TSBP1: variants seen among roughly 807,000 people sequenced by gnomAD.
TSBP1 encodes testis-expressed basic protein 1.
TSBP1 carries 56 observed loss-of-function variants against 68.8 expected under a neutral mutation model. That is an observed-to-expected ratio of 0.81 (90% CI 0.66 to 1.02). The LOEUF (loss-of-function observed/expected upper bound fraction) is 1.02, where lower values mean the gene tolerates loss of function less well. Among genes scored for constraint, TSBP1 ranks in the 50% least tolerant of loss-of-function variants. The pLI is 0.00. For synonymous variants in TSBP1, 171 were observed against 208.7 expected, an observed-to-expected ratio of 0.82 and a Z score of 1.56; for missense variants, 502 against 641.2, an observed-to-expected ratio of 0.78 and a Z score of 2.34.
At chr6:32,356,057 T>A (rs1180809577) in intron 6 of TSBP1, among the ~76,000 whole-genome samples, 1 of 152,228 alleles carries the variant, frequency 6.6e-6, no homozygotes, top group Non-Finnish European at 1.5e-5. Context: ...TGCGATTGAA[T>A]GTGCATCCTA....
chr6:32,361,204 T>C lies in TSBP1; in HGVS notation c.217+4963A>G, dbSNP rs1490893541. Among the ~76,000 whole-genome samples the C allele has an allele frequency of 2.0e-5, 3 of 152,176 alleles. No individual in the cohort carries two copies. The highest frequency in any genetic ancestry group is 7.2e-5 in the African/African-American group (3 of 41,422). ...TTCATCCATGTCCCTACAAAGGACATGAACTCATCATTTTTTATTGCTGCA... is the reference window on the plus strand; with the variant it reads ...TTCATCCATGTCCCTACAAAGGACACGAACTCATCATTTTTTATTGCTGCA... On this transcript the variant is annotated intron_variant, in intron 6 of 22. Transcript: ENST00000612031. This position sits in a 1 kb window ranked among gnomAD's most constrained non-coding sequence, Gnocchi z 4.3.
In TSBP1 at chr6:32,304,145, GAAGAAAGA is replaced by G. The variant is rs1245105872; in HGVS notation, c.581-1524_581-1517del. Among the ~76,000 whole-genome samples the G allele has an allele frequency of 6.6e-6, 1 of 151,742 alleles. No homozygotes were observed. Among genetic ancestry groups the G allele is most frequent in the Non-Finnish European group, 1.5e-5 (1 of 67,940 alleles). On this transcript the variant is annotated intron_variant, in intron 19 of 22. Coordinates refer to ENST00000612031, the Ensembl canonical transcript of TSBP1. The surrounding 1 kb of genome is among the most constrained non-coding windows in gnomAD (Gnocchi z 4.8). The stretch of plus-strand genomic sequence containing the variant: ...CTTATTTAAAAGACAAAGACAGGAA[GAAGAAAGA>G]AAGAAAGGAAGGAAGAAGAAAGAAC...
exon 23 of TSBP1, chr6:32,293,471 C>G (rs766493361): frequency 3.7e-6 from 6 of 1,611,886 alleles, no homozygotes; most frequent in African/African-American, 2.7e-5. Context: ...AACTGACTCC[C>G]TCTTCTTTAC....
At chr6:32,369,845 C>T in intron 2 of TSBP1, 52 bp downstream of exon 2, 1 of 1,096,072 alleles carries the variant, frequency 9.1e-7, no homozygotes, top group Non-Finnish European at 1.4e-6. Flanking sequence ...CTTGGCATCC[C>T]TCCCTCCGTG....
chr6:32,302,537 C>A lies in TSBP1; in HGVS notation c.601+72G>T. Reference sequence around the variant, plus strand: ...AAAAACAAACATAAAACATTAAAAACATTTGTAGAAAAAATTTGCTCACCC... The same window carrying A: ...AAAAACAAACATAAAACATTAAAAAAATTTGTAGAAAAAATTTGCTCACCC... On this transcript the variant is annotated intron_variant, in intron 20 of 22. Transcript: ENST00000612031. This position sits in a 1 kb window ranked among gnomAD's most constrained non-coding sequence, Gnocchi z 5.1. 1.0e-6 allele frequency: 1 copy of A among 956,136 alleles called. No homozygotes were observed. The highest frequency in any genetic ancestry group is 1.7e-6 in the Non-Finnish European group (1 of 597,142). 59.2% of individuals were successfully genotyped at this position (956,136 alleles called of 1,614,324 possible).
chr6:32,325,519 A>G lies in TSBP1; in HGVS notation c.515-1905T>C. The stretch of plus-strand genomic sequence containing the variant: ...GAAGATTCTCAAATACCAGGTGCCC[A>G]CTTAACTGTGAAAAAGATATATGCT... On this transcript the variant is annotated intron_variant, in intron 16 of 22. Transcript: ENST00000612031. This position sits in a 1 kb window ranked among gnomAD's most constrained non-coding sequence, Gnocchi z 4.4. 1 of 870,858 alleles carries G rather than the reference A, an allele frequency of 1.1e-6. No homozygotes were observed. Among genetic ancestry groups the G allele is most frequent in the East Asian group, 2.4e-5 (1 of 41,546 alleles). The allele number at this position is 870,858 out of a possible 1,614,324, so 53.9% of individuals were successfully genotyped here.
At chr6:32,328,381 G>T (rs1316616842) in intron 16 of TSBP1, among the ~76,000 whole-genome samples, 1 of 151,608 alleles carries the variant, frequency 6.6e-6, no homozygotes, top group Non-Finnish European at 1.5e-5. Context: ...CTGAGTAGCT[G>T]AGATTACAGG....
chr6:32,354,068 A>C (rs1041065684), intron 8 of TSBP1, among the ~76,000 whole-genome samples: 7 of 152,036 alleles, frequency 4.6e-5, no homozygotes, highest in Admixed American at 6.6e-5. Flanking sequence ...GAGATTGACA[A>C]ATTTTATTAC....
Position 32,366,356 on chromosome 6 carries a change from A to G in TSBP1, c.167-54T>C, listed in dbSNP as rs1356630024. On this transcript the variant is annotated intron_variant, in intron 4 of 22. Transcript: ENST00000612031. ...ATTTTACTTCAACAAGTGAGTCTAT[A>G]TTATTTTTTGTTAGATAGAAATCTG... is the stretch of plus-strand genomic sequence containing the variant. 2.0e-6 allele frequency: 3 copies of G among 1,497,276 alleles called. No homozygotes were observed. In the African/African-American group the frequency reaches 4.1e-5, roughly 21 times the overall value. 92.7% of individuals were successfully genotyped at this position (1,497,276 alleles called of 1,614,324 possible).
Position 32,343,858 on chromosome 6 carries a change from A to G in TSBP1, c.350-4220T>C, listed in dbSNP as rs989840735. 2.6e-5 allele frequency among the ~76,000 whole-genome samples: 4 copies of G among 151,988 alleles called. No homozygotes were observed. The highest frequency in any genetic ancestry group is 2.0e-4 in the Admixed American group (3 of 15,280). On this transcript the variant is annotated intron_variant, in intron 9 of 22. Transcript: ENST00000612031. The surrounding 1 kb of genome is among the most constrained non-coding windows in gnomAD (Gnocchi z 4.3). ...CATTTTGTTTCTGTTCTTTTTGTTCAGCTCTAAAATGTTTCTCTTGTAAAA... is the reference window on the plus strand; with the variant it reads ...CATTTTGTTTCTGTTCTTTTTGTTCGGCTCTAAAATGTTTCTCTTGTAAAA...
Position 32,302,462 on chromosome 6 carries a change from A to G in TSBP1, c.601+147T>C. The G allele has an allele frequency of 1.4e-6, 1 of 690,254 alleles. No homozygotes were observed. Among genetic ancestry groups the G allele is most frequent in the Admixed American group, 2.6e-5 (1 of 37,754 alleles). The allele number at this position is 690,254 out of a possible 1,614,324, so 42.8% of individuals were successfully genotyped here. On this transcript the variant is annotated intron_variant, in intron 20 of 22. Coordinates refer to ENST00000612031, the Ensembl canonical transcript of TSBP1. The surrounding 1 kb of genome is among the most constrained non-coding windows in gnomAD (Gnocchi z 5.1). ...GAGCAAGACCCTGTCTCAGAACAAA[A>G]CAAAACCAAAAACACCAAACAAACC...
intron 19 of TSBP1, among the ~76,000 whole-genome samples, chr6:32,311,903 G>C (rs920241452): frequency 6.6e-6 from 1 of 152,188 alleles, no homozygotes; most frequent in African/African-American, 2.4e-5. Context: ...AGTGCAGAGT[G>C]TCCTTGTTCT....
chr6:32,311,328 C>A (rs1018001189), intron 19 of TSBP1, among the ~76,000 whole-genome samples: 1 of 152,132 alleles, frequency 6.6e-6, no homozygotes, highest in Non-Finnish European at 1.5e-5. Flanking sequence ...TATTTAATTG[C>A]CTTTTGATAT....
intron 19 of TSBP1, among the ~76,000 whole-genome samples, chr6:32,308,975 T>G (rs1168647408): frequency 2.2e-5 from 2 of 90,078 alleles, no homozygotes; most frequent in African/African-American, 9.5e-5. Context: ...TTTTTTTTTT[T>G]GACAGGGTCT....
In TSBP1 at chr6:32,338,922, T is replaced by G; in HGVS notation, c.409+57A>C. The G allele has an allele frequency of 7.4e-7, 1 of 1,354,776 alleles. No individual in the cohort carries two copies. Among genetic ancestry groups the G allele is most frequent in the Non-Finnish European group, 1.1e-6 (1 of 944,562 alleles). 83.9% of individuals were successfully genotyped at this position (1,354,776 alleles called of 1,614,324 possible). On this transcript the variant is annotated intron_variant, in intron 11 of 22. Coordinates refer to ENST00000612031, the Ensembl canonical transcript of TSBP1. The surrounding 1 kb of genome is among the most constrained non-coding windows in gnomAD (Gnocchi z 5.5). ...CTAGGAATATGAGTGTCTTACATAT[T>G]CTAACAGTTTAGTAAAGCAAAGCAC...
intron 15 of TSBP1, among the ~76,000 whole-genome samples, chr6:32,331,581 T>G (rs1003382048): frequency 6.6e-6 from 1 of 152,056 alleles, no homozygotes; most frequent in Non-Finnish European, 1.5e-5. Flanking sequence ...AAGGGCCAAC[T>G]AAAGAAACAT....
chr6:32,317,410 T>C (rs1197723739), intron 18 of TSBP1, among the ~76,000 whole-genome samples: 1 of 152,144 alleles, frequency 6.6e-6, no homozygotes, highest in Non-Finnish European at 1.5e-5. Context: ...AAAAATTTCA[T>C]GATGAAGACA....
Position 32,293,004 on chromosome 6 carries a change from ACTTC to A in TSBP1, c.1665_1668del (p.Arg555SerfsTer17), listed in dbSNP as rs1562041679. On this transcript the variant is annotated frameshift_variant, in exon 23 of 23. Coordinates refer to ENST00000612031, the Ensembl canonical transcript of TSBP1. LOFTEE classifies it low-confidence loss of function (END_TRUNC). ...CCTTACTCTTCCACTTTTTTGTTGT[ACTTC>A]CTTCCTGTATTTGCCTTCGCCCTTT... The A allele has an allele frequency of 6.3e-7, 1 of 1,592,160 alleles. No individual in the cohort carries two copies. The highest frequency in any genetic ancestry group is 1.2e-5 in the South Asian group (1 of 86,930).
rs1375193241 is a variant in TSBP1, at chr6:32,337,292, G to A, written c.410-657C>T. 1.3e-5 allele frequency among the ~76,000 whole-genome samples: 2 copies of A among 152,144 alleles called. No individual in the cohort carries two copies. Among genetic ancestry groups the A allele is most frequent in the South Asian group, 2.1e-4 (1 of 4,832 alleles). ...TTCTTTCTTCATCTTGGAGGATCCC[G>A]GTTACTGGTGGAATCTGCCAGCTGG... On this transcript the variant is annotated intron_variant, in intron 11 of 22. Transcript: ENST00000612031. The surrounding 1 kb of genome is among the most constrained non-coding windows in gnomAD (Gnocchi z 5.5).
Sources: allele counts gnomAD v4.1 joint callset (sites outside exome capture counted in the v4.1 genomes callset), GRCh38; gene constraint gnomAD v4.1.1; non-coding constraint Gnocchi (gnomAD v3.1); transcripts MANE v1.5; gene names NCBI Gene and HGNC (gene_info 2026-07-23, HGNC 2026-07-21).